Variants in ANKRD44 observed in about 807,000 individuals in gnomAD.
The protein encoded by ANKRD44 is ankyrin repeat domain 44, also known as serine/threonine-protein phosphatase 6 regulatory ankyrin repeat subunit B.
A neutral mutation model predicts 116.0 loss-of-function variants in ANKRD44; 35 were observed. The observed-to-expected ratio is 0.30, with a 90% CI of 0.23 to 0.40. The LOEUF is 0.40. Ranked by LOEUF, ANKRD44 falls within the 10% of genes least tolerant of loss-of-function variation. The probability of loss-of-function intolerance (pLI) is 1.00; values close to 1 mark genes in which losing one functional copy is unlikely to be tolerated. For missense variants in ANKRD44, 1,014 were observed against 1,242.6 expected, an observed-to-expected ratio of 0.82 and a Z score of 2.77; for synonymous variants, 435 against 461.8, an observed-to-expected ratio of 0.94 and a Z score of 0.74.
Position 196,987,431 on chromosome 2 carries a change from A to C in ANKRD44, c.*2160T>G, listed in dbSNP as rs904406548. ...ATATACAAATATAAAAAGGCACTCT[A>C]ACTTCATATTACAAGACAATAAAAC... On this transcript the variant is annotated 3_prime_UTR_variant, in exon 28 of 28. Coordinates refer to ENST00000282272, the MANE Select transcript of ANKRD44 (RefSeq NM_001195144.2). The C allele has an allele frequency of 5.1e-6, 5 of 985,284 alleles. No individual in the cohort carries two copies. In the African/African-American group the frequency reaches 8.7e-5, roughly 17 times the overall value. 61.0% of individuals were successfully genotyped at this position (985,284 alleles called of 1,614,324 possible).
intron 4 of ANKRD44, among the ~76,000 whole-genome samples, chr2:197,132,976 A>G (rs773429656): frequency 1.3e-5 from 2 of 152,220 alleles, no homozygotes; most frequent in African/African-American, 4.8e-5. Context: ...TAAATTTCCC[A>G]GAATTCCTTT....
At chr2:197,036,597 A>T (rs1403993529) in intron 16 of ANKRD44, among the ~76,000 whole-genome samples, 4 of 152,188 alleles carry the variant, frequency 2.6e-5, no homozygotes, top group African/African-American at 9.7e-5. Flanking sequence ...AAGCTTAGCT[A>T]CATTAAGTTT....
intron 1 of ANKRD44, among the ~76,000 whole-genome samples, chr2:197,231,172 T>C (rs2081852646): frequency 6.6e-6 from 1 of 152,150 alleles, no homozygotes; most frequent in Non-Finnish European, 1.5e-5. Flanking sequence ...TCTATAATCC[T>C]AGCACTTTGA....
chr2:197,199,482 G>A (rs1317519239), intron 1 of ANKRD44, among the ~76,000 whole-genome samples: 2 of 152,186 alleles, frequency 1.3e-5, no homozygotes, highest in African/African-American at 4.8e-5. Flanking sequence ...AACAGATAAA[G>A]AAAAAACTTA....
At chr2:197,109,673 T>G (rs1486269112) in intron 9 of ANKRD44, among the ~76,000 whole-genome samples, 5 of 152,170 alleles carry the variant, frequency 3.3e-5, no homozygotes, top group Non-Finnish European at 7.3e-5. Context: ...CTGACTAATA[T>G]CAGAATTTTG....
chr2:197,219,591 A>G (rs1371883025), intron 1 of ANKRD44, among the ~76,000 whole-genome samples: 1 of 152,184 alleles, frequency 6.6e-6, no homozygotes, highest in Non-Finnish European at 1.5e-5. Context: ...GGGCTTTGAG[A>G]GCTGTTTTAA....
At chr2:197,063,406 C>T (rs1321868007) in intron 16 of ANKRD44, among the ~76,000 whole-genome samples, 2 of 152,202 alleles carry the variant, frequency 1.3e-5, no homozygotes, top group Non-Finnish European at 2.9e-5. Flanking sequence ...CTCTCCCCCT[C>T]CAAAGGAACG....
intron 1 of ANKRD44, among the ~76,000 whole-genome samples, chr2:197,218,032 G>A (rs906884083): frequency 2.6e-5 from 4 of 152,062 alleles, no homozygotes; most frequent in Non-Finnish European, 4.4e-5. Context: ...TTTTACTAAT[G>A]AAAATCAAGA....
chr2:197,082,622 T>A (rs1430624703), intron 14 of ANKRD44, among the ~76,000 whole-genome samples: 2 of 152,224 alleles, frequency 1.3e-5, no homozygotes, highest in Non-Finnish European at 2.9e-5. Flanking sequence ...TGGGTCACCA[T>A]CTAAAAGCCA....
At chr2:197,216,802 C>G (rs533709455) in intron 1 of ANKRD44, among the ~76,000 whole-genome samples, 9 of 151,468 alleles carry the variant, frequency 5.9e-5, no homozygotes, top group Admixed American at 2.0e-4. Context: ...GGAAGCACTA[C>G]TTTATGCCAT....
At position 197,086,661 on chromosome 2, in the gene ANKRD44, C is replaced by T; in HGVS notation, c.1316+19G>A. The T allele has an allele frequency of 6.2e-7, 1 of 1,612,704 alleles. No homozygotes were observed. The highest frequency in any genetic ancestry group is 8.5e-7 in the Non-Finnish European group (1 of 1,178,826). ...TCCTCTTATTTAAGCACTTGAAGCA[C>T]AACTCTCTGATTACATACCTCCCAC... is the stretch of plus-strand genomic sequence containing the variant. On this transcript the variant is annotated intron_variant, in intron 13 of 27. Transcript: ENST00000282272.
chr2:197,081,764 A>T, intron 14 of ANKRD44, 39 bp from the exon 15 acceptor site: 1 of 1,515,540 alleles, frequency 6.6e-7, no homozygotes, highest in Non-Finnish European at 9.1e-7. Flanking sequence ...ATTGCAATTA[A>T]TTTTTTAAAT....
At chr2:197,131,285 G>A (rs1174241291) in intron 4 of ANKRD44, among the ~76,000 whole-genome samples, 1 of 150,544 alleles carries the variant, frequency 6.6e-6, no homozygotes, top group Non-Finnish European at 1.5e-5. Context: ...TCCGCCTCCC[G>A]GGTTCACGCC....
intron 12 of ANKRD44, among the ~76,000 whole-genome samples, chr2:197,087,975 C>A (rs1310599181): frequency 6.6e-6 from 1 of 152,148 alleles, no homozygotes; most frequent in Admixed American, 6.5e-5. Flanking sequence ...ATAGGTAATG[C>A]CTTTGGTAAT....
chr2:197,103,991 C>G (rs2078367090), intron 9 of ANKRD44, among the ~76,000 whole-genome samples: 1 of 152,114 alleles, frequency 6.6e-6, no homozygotes, highest in African/African-American at 2.4e-5. Flanking sequence ...ATATCAGTAT[C>G]TAGAGAATTT....
chr2:197,011,360 T>C (rs2076296839), intron 18 of ANKRD44, among the ~76,000 whole-genome samples: 2 of 152,236 alleles, frequency 1.3e-5, no homozygotes, highest in Admixed American at 1.3e-4. Context: ...TCTAACTTCA[T>C]ATAACTCACC....
At chr2:197,290,395 T>TC (rs1391105055) in intron 1 of ANKRD44, among the ~76,000 whole-genome samples, 2 of 152,218 alleles carry the variant, frequency 1.3e-5, no homozygotes, top group Non-Finnish European at 2.9e-5. Flanking sequence ...TGTTTGTATA[T>TC]CTTCTTTTGA....
At chr2:197,244,205 C>T (rs2082144135) in intron 1 of ANKRD44, among the ~76,000 whole-genome samples, 2 of 152,298 alleles carry the variant, frequency 1.3e-5, no homozygotes, top group Admixed American at 1.3e-4. Flanking sequence ...TTCTTAATAG[C>T]TCATGTCAGC....
chr2:197,281,251 TG>T (rs1200732109), intron 1 of ANKRD44, among the ~76,000 whole-genome samples: 1 of 152,218 alleles, frequency 6.6e-6, no homozygotes, highest in African/African-American at 2.4e-5. Context: ...ATAGGAGGCC[TG>T]ATGCTTTATT....
Sources: allele counts gnomAD v4.1 joint callset (sites outside exome capture counted in the v4.1 genomes callset), GRCh38; gene constraint gnomAD v4.1.1; transcripts MANE v1.5; gene names NCBI Gene and HGNC (gene_info 2026-07-23, HGNC 2026-07-21).